The following DOCK9 variants were observed in gnomAD, a reference collection of about 807,000 sequenced individuals.
DOCK9 encodes the protein dedicator of cytokinesis protein 9.
In DOCK9, 89 loss-of-function variants were observed where a neutral mutation model predicts 263.3. The observed-to-expected ratio is 0.34, with a 90% CI of 0.28 to 0.40. The LOEUF (loss-of-function observed/expected upper bound fraction) is 0.40, where lower values mean the gene tolerates loss of function less well. Ranked by LOEUF, DOCK9 falls within the 10% of genes least tolerant of loss-of-function variation. DOCK9 has a pLI of 1.00. For missense variants in DOCK9, 2,140 were observed against 2,603.4 expected (o/e 0.82, Z 3.87); for synonymous variants, 976 against 973.1 (o/e 1.00, Z -0.06).
At position 98,882,055 on chromosome 13, in the gene DOCK9, C is replaced by T. The variant is rs1347084105; in HGVS notation, c.2560-48G>A. The stretch of plus-strand genomic sequence containing the variant: ...TTCATGTTATCCTTCTAAAAGTAAA[C>T]CAGCCTAAAGTAACTTCCACTCTTC... On this transcript the variant is annotated intron_variant, in intron 23 of 52. Transcript: ENST00000682017. The T allele has an allele frequency of 3.4e-5, 50 of 1,463,318 alleles. No individual in the cohort carries two copies. The East Asian group carries it at 8.8e-4, about 26-fold the overall frequency. 90.6% of individuals were successfully genotyped at this position (1,463,318 alleles called of 1,614,324 possible).
intron 39 of DOCK9, among the ~76,000 whole-genome samples, chr13:98,836,483 C>T (rs1461533830): frequency 6.6e-6 from 1 of 152,110 alleles, no homozygotes; most frequent in Non-Finnish European, 1.5e-5. Context: ...GGGGAGTGGC[C>T]CAAGGATTTC....
chr13:98,818,892 T>C (rs1376765381), intron 45 of DOCK9, among the ~76,000 whole-genome samples: 1 of 152,224 alleles, frequency 6.6e-6, no homozygotes, highest in Non-Finnish European at 1.5e-5. Context: ...AGCCTATGTC[T>C]GTGCAGGGTT....
At chr13:98,900,568 G>C (rs1162913543) in intron 13 of DOCK9, among the ~76,000 whole-genome samples, 1 of 152,132 alleles carries the variant, frequency 6.6e-6, no homozygotes, top group Admixed American at 6.5e-5. Context: ...TACTTGACTG[G>C]GGCTGTAATA....
At chr13:98,981,632 G>A (rs72651857), upstream of DOCK9, among the ~76,000 whole-genome samples, 536 of 152,314 alleles carry the variant, frequency 3.5e-3, 1 homozygote, top group Non-Finnish European at 5.7e-3. Context: ...AGAAGAAACT[G>A]CTGTCAGCTT....
At position 99,015,740 on chromosome 13, in the gene DOCK9, G is replaced by A; in HGVS notation, c.130-60189C>T. On this transcript the variant is annotated intron_variant, in intron 1 of 32. Coordinates refer to the DOCK9 transcript ENST00000427887. ...CAGTCACCGGTACTGGAACAGAAGGGAAGCTCTGAGCTGCCGTACTAGAAT... is the reference window on the plus strand; with the variant it reads ...CAGTCACCGGTACTGGAACAGAAGGAAAGCTCTGAGCTGCCGTACTAGAAT... 3.7e-6 allele frequency: 5 copies of A among 1,359,446 alleles called. No homozygotes were observed. The East Asian group carries it at 8.0e-5, about 22-fold the overall frequency. The allele number at this position is 1,359,446 out of a possible 1,614,324, so 84.2% of individuals were successfully genotyped here. A position where few individuals can be genotyped will look rare whatever the true frequency, so the allele number is the denominator to read the frequency against.
At chr13:98,856,094 T>C in intron 33 of DOCK9, 63 bp from the exon 34 acceptor site, 3 of 1,553,974 alleles carry the variant, frequency 1.9e-6, no homozygotes, top group Middle Eastern at 1.7e-4. Flanking sequence ...AGATGAGTAC[T>C]GAACTTTAAG....
At chr13:98,855,271 G>A (rs558475323) in intron 34 of DOCK9, among the ~76,000 whole-genome samples, 1 of 152,244 alleles carries the variant, frequency 6.6e-6, no homozygotes, top group African/African-American at 2.4e-5. Context: ...GGTGTCTCTG[G>A]TATAAAGACT....
intron 35 of DOCK9, among the ~76,000 whole-genome samples, chr13:98,852,947 G>C (rs1021992205): frequency 6.6e-6 from 1 of 152,130 alleles, no homozygotes; most frequent in African/African-American, 2.4e-5. Flanking sequence ...TTTGAGCCAG[G>C]AATATACACA....
At chr13:99,000,498 A>G (rs1307596628) in intron 1 of DOCK9, among the ~76,000 whole-genome samples, 1 of 152,220 alleles carries the variant, frequency 6.6e-6, no homozygotes, top group African/African-American at 2.4e-5. Flanking sequence ...ACAGCACGGT[A>G]GGACACCATT....
intron 2 of DOCK9, among the ~76,000 whole-genome samples, chr13:98,943,940 A>G (rs1365533100): frequency 6.6e-6 from 1 of 152,124 alleles, no homozygotes; most frequent in Non-Finnish European, 1.5e-5. Context: ...CTTAGTTCAA[A>G]TCTTCCTCTA....
chr13:98,912,961 G>T (rs1241595119), intron 9 of DOCK9, among the ~76,000 whole-genome samples: 1 of 152,140 alleles, frequency 6.6e-6, no homozygotes, highest in African/African-American at 2.4e-5. Context: ...TGCAAAATAT[G>T]ATACACAGAC....
chr13:98,911,814 C>A (rs1331110372), intron 9 of DOCK9, among the ~76,000 whole-genome samples: 2 of 150,184 alleles, frequency 1.3e-5, no homozygotes, highest in Non-Finnish European at 1.5e-5. Flanking sequence ...AAAATAATGT[C>A]ATTATTAAGG....
chr13:98,981,612 C>T (rs190582658), upstream of DOCK9, among the ~76,000 whole-genome samples: 487 of 152,316 alleles, frequency 3.2e-3, 1 homozygote, highest in Non-Finnish European at 4.8e-3. Flanking sequence ...ACCCTGAGGG[C>T]GTGGAGGAGA....
intron 26 of DOCK9, among the ~76,000 whole-genome samples, 191 bp downstream of exon 26, chr13:98,880,356 C>A (rs1302546855): frequency 6.6e-6 from 1 of 152,070 alleles, no homozygotes; most frequent in Admixed American, 6.5e-5. Flanking sequence ...AGAGCCAACA[C>A]TGAACACAGT....
At chr13:98,885,367 G>T (rs1375452839) in intron 20 of DOCK9, 2 of 517,772 alleles carry the variant, frequency 3.9e-6, no homozygotes, top group Admixed American at 2.9e-5. Context: ...ATTTTGGGAG[G>T]CAGAGGTGGG....
At chr13:98,910,748 T>C (rs916461428) in intron 9 of DOCK9, among the ~76,000 whole-genome samples, 6 of 152,142 alleles carry the variant, frequency 3.9e-5, no homozygotes, top group African/African-American at 1.4e-4. Flanking sequence ...CTTTGTAATC[T>C]TACTGAACTG....
At chr13:98,832,737 T>C (rs2092812792) in intron 39 of DOCK9, among the ~76,000 whole-genome samples, 1 of 152,202 alleles carries the variant, frequency 6.6e-6, no homozygotes, top group East Asian at 1.9e-4. Context: ...ACAAGCTGTC[T>C]GAACAAAGCT....
intron 49 of DOCK9, among the ~76,000 whole-genome samples, chr13:98,802,475 G>A (rs147276728): frequency 9.2e-5 from 14 of 152,320 alleles, no homozygotes; most frequent in African/African-American, 3.1e-4. Context: ...TATGGTGACT[G>A]CTGGTCTGTG....
At chr13:98,882,110 A>C in intron 23 of DOCK9, 103 bp from the exon 24 acceptor site, 1 of 948,354 alleles carries the variant, frequency 1.1e-6, no homozygotes, top group Non-Finnish European at 1.6e-6. Context: ...TCCCTCTAAA[A>C]CAAAGGGAAG....
Sources: allele counts gnomAD v4.1 joint callset (sites outside exome capture counted in the v4.1 genomes callset), GRCh38; gene constraint gnomAD v4.1.1; transcripts MANE v1.5; gene names NCBI Gene and HGNC (gene_info 2026-07-23, HGNC 2026-07-21).